The following CLYBL variants were observed in gnomAD, a reference collection of about 807,000 sequenced individuals.
The protein encoded by CLYBL is citramalyl-CoA lyase.
Under a neutral mutation model 38.9 loss-of-function variants are expected in CLYBL, and 31 were observed. That is an observed-to-expected ratio of 0.80 (90% CI 0.60 to 1.08). CLYBL has a LOEUF of 1.08. Among genes scored for constraint, CLYBL ranks in the 50% least tolerant of loss-of-function variants. CLYBL has a pLI of 0.00. For missense variants in CLYBL, 434 were observed against 411.6 expected (o/e 1.05, Z -0.47); for synonymous variants, 171 against 158.6 (o/e 1.08, Z -0.59).
At chr13:99,857,115 G>A (rs2051477650) in intron 2 of CLYBL, among the ~76,000 whole-genome samples, 1 of 151,712 alleles carries the variant, frequency 6.6e-6, no homozygotes, top group African/African-American at 2.4e-5. Context: ...AGGAGTTCAA[G>A]GTCAGCCTGG....
chr13:99,625,422 G>T (rs2046856009), intron 1 of CLYBL, among the ~76,000 whole-genome samples: 2 of 152,202 alleles, frequency 1.3e-5, no homozygotes. Context: ...GATTTACAAA[G>T]GTGGAAACGG....
At chr13:99,786,653 G>A (rs2049802678) in intron 2 of CLYBL, among the ~76,000 whole-genome samples, 1 of 152,210 alleles carries the variant, frequency 6.6e-6, no homozygotes, top group Admixed American at 6.5e-5. Context: ...TGTGCATAGT[G>A]CCACAATAAA....
At chr13:99,626,356 G>C (rs1014671046) in intron 1 of CLYBL, among the ~76,000 whole-genome samples, 2 of 152,222 alleles carry the variant, frequency 1.3e-5, no homozygotes, top group African/African-American at 4.8e-5. Flanking sequence ...AGGCCAGACT[G>C]TGAAGGGATT....
intron 7 of CLYBL, among the ~76,000 whole-genome samples, chr13:99,882,604 C>T (rs557243777): frequency 5.9e-5 from 9 of 151,826 alleles, no homozygotes; most frequent in South Asian, 2.1e-4. Flanking sequence ...GTCAAGGCTA[C>T]GATGAGCTGT....
intron 1 of CLYBL, among the ~76,000 whole-genome samples, chr13:99,765,327 C>T (rs2049248116): frequency 6.6e-6 from 1 of 152,250 alleles, no homozygotes; most frequent in Non-Finnish European, 1.5e-5. Context: ...TTTTCTCTTG[C>T]TGCTTTTAGG....
chr13:99,619,779 G>T lies in CLYBL; in HGVS notation c.62+13022G>T, dbSNP rs535510179. Among the ~76,000 whole-genome samples the T allele has an allele frequency of 1.1e-3, 162 of 152,322 alleles. 2 individuals carry two copies. Among genetic ancestry groups the T allele is most frequent in the African/African-American group, 3.8e-3 (159 of 41,578 alleles). On this transcript the variant is annotated intron_variant, in intron 1 of 8. Coordinates refer to ENST00000339105, the MANE Select transcript of CLYBL (RefSeq NM_206808.5). ...AGGATGGACAAGTTTCTTCCTGCCA[G>T]TTGACATTCCAGAGTCTAGAAAGGA... is the stretch of plus-strand genomic sequence containing the variant.
At chr13:99,902,855 A>G (rs989503672) in intron 8 of CLYBL, among the ~76,000 whole-genome samples, 5 of 152,212 alleles carry the variant, frequency 3.3e-5, no homozygotes, top group African/African-American at 1.2e-4. Flanking sequence ...GACTTAATTT[A>G]ATTATTGTAT....
At chr13:99,730,713 A>G (rs1466116132) in intron 1 of CLYBL, among the ~76,000 whole-genome samples, 1 of 152,138 alleles carries the variant, frequency 6.6e-6, no homozygotes, top group Non-Finnish European at 1.5e-5. Context: ...ACACAGGACC[A>G]GGGAGGGAGC....
At chr13:99,667,080 C>A (rs1046450815) in intron 1 of CLYBL, among the ~76,000 whole-genome samples, 1 of 151,812 alleles carries the variant, frequency 6.6e-6, no homozygotes, top group African/African-American at 2.4e-5. Context: ...CTATGACTTT[C>A]ACATAGACCC....
At chr13:99,859,093 G>A in intron 3 of CLYBL, 44 bp downstream of exon 3, 2 of 1,525,116 alleles carry the variant, frequency 1.3e-6, no homozygotes, top group South Asian at 1.3e-5. Flanking sequence ...AGCAGCTAAG[G>A]AGGAGTAGCA....
intron 2 of CLYBL, among the ~76,000 whole-genome samples, chr13:99,805,681 C>T (rs1481395839): frequency 1.3e-5 from 2 of 152,160 alleles, no homozygotes; most frequent in Non-Finnish European, 1.5e-5. Flanking sequence ...CAAAACAACT[C>T]AGCAGGTGCC....
chr13:99,719,044 G>T (rs1424452782), intron 1 of CLYBL, among the ~76,000 whole-genome samples: 3 of 151,564 alleles, frequency 2.0e-5, no homozygotes, highest in Non-Finnish European at 4.4e-5. Context: ...TCCTACATGG[G>T]GTTTCTCCAT....
At chr13:99,668,488 A>C (rs1370572004) in intron 1 of CLYBL, among the ~76,000 whole-genome samples, 2 of 145,988 alleles carry the variant, frequency 1.4e-5, no homozygotes, top group Non-Finnish European at 3.0e-5. Context: ...CGGGAGGCTG[A>C]GGCAGGAGAA....
chr13:99,833,490 A>G (rs1296662461), intron 2 of CLYBL, among the ~76,000 whole-genome samples: 1 of 152,008 alleles, frequency 6.6e-6, no homozygotes, highest in East Asian at 1.9e-4. Context: ...TTCCCAACTT[A>G]TGGGAAAGTA....
chr13:99,856,438 C>T (rs1391839410), intron 2 of CLYBL, among the ~76,000 whole-genome samples: 1 of 152,204 alleles, frequency 6.6e-6, no homozygotes, highest in African/African-American at 2.4e-5. Flanking sequence ...ATTTTCCATT[C>T]ATACTGTCCC....
rs1203744556 is a variant in CLYBL, at chr13:99,865,813, C to CA, written c.635-425dup. 6.6e-6 allele frequency among the ~76,000 whole-genome samples: 1 copy of CA among 152,194 alleles called. No individual in the cohort carries two copies. The highest frequency in any genetic ancestry group is 2.4e-5 in the African/African-American group (1 of 41,454). ...GCTCAGAACTTCAGTTTGGACAGGG[C>CA]AATCGCAGCACACACAGTTCTGTGC... On this transcript the variant is annotated intron_variant, in intron 5 of 8. Transcript: ENST00000339105. This position sits in a 1 kb window ranked among gnomAD's most constrained non-coding sequence, Gnocchi z 4.7.
chr13:99,813,095 T>C (rs2050374416), intron 2 of CLYBL, among the ~76,000 whole-genome samples: 1 of 152,228 alleles, frequency 6.6e-6, no homozygotes, highest in South Asian at 2.1e-4. Flanking sequence ...GATTTTTGCT[T>C]TAAAATTCTG....
intron 3 of CLYBL, 95 bp from the exon 4 acceptor site, chr13:99,862,896 C>T (rs2051642387): frequency 2.0e-6 from 1 of 489,150 alleles, no homozygotes; most frequent in Non-Finnish European, 3.5e-6. Flanking sequence ...GATATTACTT[C>T]CTCAGGTCAA....
chr13:99,882,014 A>G (rs1328675212), intron 7 of CLYBL, among the ~76,000 whole-genome samples: 3 of 152,180 alleles, frequency 2.0e-5, no homozygotes, highest in East Asian at 1.9e-4. Flanking sequence ...TTATCTGCAC[A>G]TTATCTGTAT....
Sources: allele counts gnomAD v4.1 joint callset (sites outside exome capture counted in the v4.1 genomes callset), GRCh38; gene constraint gnomAD v4.1.1; non-coding constraint Gnocchi (gnomAD v3.1); transcripts MANE v1.5; gene names NCBI Gene and HGNC (gene_info 2026-07-23, HGNC 2026-07-21).